Variants in SDK2 observed in about 807,000 individuals in gnomAD.
SDK2 encodes the protein protein sidekick-2.
SDK2 carries 105 observed loss-of-function variants against 253.9 expected under a neutral mutation model. The ratio of observed to expected loss-of-function variants is 0.41; its 90% CI spans 0.35 to 0.49. The LOEUF (loss-of-function observed/expected upper bound fraction) is 0.49. Among genes scored for constraint, SDK2 ranks in the 20% least tolerant of loss-of-function variants. SDK2 has a pLI of 0.06. For synonymous variants in SDK2, 1,249 were observed against 1,234.9 expected (o/e 1.01, Z -0.24); for missense variants, 2,608 against 3,003.0 (o/e 0.87, Z 3.07).
chr17:73,565,810 C>CTTTTTTTGGTTTGTTTGTTTGTTTG (rs2045303334), intron 1 of SDK2, among the ~76,000 whole-genome samples: 2 of 151,974 alleles, frequency 1.3e-5, no homozygotes, highest in Non-Finnish European at 2.9e-5. Flanking sequence ...GTTGTTTTTT[C>CTTTTTTTGGTTTGTTTGTTTGTTTG]TTTTTTTGGT....
chr17:73,337,053 A>ATGTGTGTGTGTGTGTGTGTGTGTGTG lies in SDK2; in HGVS notation c.*1508_*1533dup. On this transcript the variant is annotated 3_prime_UTR_variant, in exon 45 of 45. Transcript: ENST00000392650. ...TCCTTGGAGCAGATTGTGTATGTGT[A>ATGTGTGTGTGTGTGTGTGTGTGTGTG]TGTGTGTGTGTGTGTGTGTGTGTGT... 1 of 148,710 alleles carries ATGTGTGTGTGTGTGTGTGTGTGTGTG rather than the reference A, an allele frequency of 6.7e-6. No individual in the cohort carries two copies. The highest frequency in any genetic ancestry group is 1.5e-5 in the Non-Finnish European group (1 of 66,860). The allele number at this position is 148,710 out of a possible 1,614,324, so 9.2% of individuals were successfully genotyped here. A position where few individuals can be genotyped will look rare whatever the true frequency, so the allele number is the denominator to read the frequency against.
intron 36 of SDK2, among the ~76,000 whole-genome samples, chr17:73,372,144 A>T (rs2062738988): frequency 6.6e-6 from 1 of 152,190 alleles, no homozygotes; most frequent in Non-Finnish European, 1.5e-5. Context: ...CTGTCTTCAC[A>T]AACCAGGCAC....
intron 1 of SDK2, among the ~76,000 whole-genome samples, chr17:73,563,030 G>A (rs2045260556): frequency 6.6e-6 from 1 of 152,172 alleles, no homozygotes; most frequent in South Asian, 2.1e-4. Flanking sequence ...GGAGGGGAAG[G>A]ACAGCTCCGC....
In SDK2 at chr17:73,468,690, A is replaced by AT. The variant is rs151162336; in HGVS notation, c.331+3421dup. Among the ~76,000 whole-genome samples, 160 of 148,858 alleles carry AT rather than the reference A, an allele frequency of 1.1e-3. 1 individual carries two copies. The highest frequency in any genetic ancestry group is 7.5e-3 in the South Asian group (35 of 4,684). Reference sequence around the variant, plus strand: ...CCACGCCTGGCTAATTTTTTTTTTAATTTTTTTTTTATTTTTAGTAGAGAT... The same window carrying AT: ...CCACGCCTGGCTAATTTTTTTTTTAATTTTTTTTTTTATTTTTAGTAGAGAT... On this transcript the variant is annotated intron_variant, in intron 3 of 44. Coordinates refer to ENST00000392650, the MANE Select transcript of SDK2 (RefSeq NM_001144952.2).
intron 1 of SDK2, among the ~76,000 whole-genome samples, chr17:73,625,807 G>T (rs2046193439): frequency 6.6e-6 from 1 of 152,018 alleles, no homozygotes; most frequent in South Asian, 2.1e-4. Context: ...ACCACACCTG[G>T]CTAATTTTTG....
chr17:73,434,048 C>T (rs900668429), intron 9 of SDK2, among the ~76,000 whole-genome samples, 200 bp from the exon 10 acceptor site: 1 of 152,200 alleles, frequency 6.6e-6, no homozygotes, highest in African/African-American at 2.4e-5. Context: ...CATGAGGACT[C>T]CCCTATGCCA....
chr17:73,519,374 T>C (rs2064057376), intron 1 of SDK2: 1 of 152,226 alleles, frequency 6.6e-6, no homozygotes, highest in Admixed American at 6.5e-5. Context: ...GGTTTCCCAA[T>C]ATTGAATAAA....
At position 73,379,036 on chromosome 17, in the gene SDK2, A is replaced by T; in HGVS notation, c.4980+141T>A. 1 of 645,602 alleles carries T rather than the reference A, an allele frequency of 1.5e-6. No homozygotes were observed. Among genetic ancestry groups the T allele is most frequent in the Middle Eastern group, 2.5e-4 (1 of 3,952 alleles). The allele number at this position is 645,602 out of a possible 1,614,324, so 40.0% of individuals were successfully genotyped here. A position where few individuals can be genotyped will look rare whatever the true frequency, so the allele number is the denominator to read the frequency against. On this transcript the variant is annotated intron_variant, in intron 36 of 44. Coordinates refer to ENST00000392650, the MANE Select transcript of SDK2 (RefSeq NM_001144952.2). The surrounding 1 kb of genome is among the most constrained non-coding windows in gnomAD (Gnocchi z 4.5). ...AAACAGCCAAGGTGGCAGGTGTACC[A>T]CAGAGCCTGAAGGGCCGAGGAGCTG... is the stretch of plus-strand genomic sequence containing the variant.
chr17:73,358,076 C>T lies in SDK2; in HGVS notation c.5593+3G>A. 2 of 1,613,124 alleles carry T rather than the reference C, an allele frequency of 1.2e-6. No homozygotes were observed. Among genetic ancestry groups the T allele is most frequent in the Non-Finnish European group, 1.7e-6 (2 of 1,179,750 alleles). On this transcript the variant is annotated splice_donor_region_variant and intron_variant, in intron 40 of 44. Transcript: ENST00000392650. ...GGTCTCAGCCCAGCAGGGCGGGGCG[C>T]ACCTGAAGGTCTGGCCTCGATGACG...
At chr17:73,633,969 C>G (rs1362088837) in intron 1 of SDK2, among the ~76,000 whole-genome samples, 3 of 151,998 alleles carry the variant, frequency 2.0e-5, no homozygotes, top group Non-Finnish European at 4.4e-5. Flanking sequence ...CAGGTGGAGG[C>G]GAGATTGCAG....
chr17:73,548,197 G>A (rs1393927493), intron 1 of SDK2, among the ~76,000 whole-genome samples: 1 of 152,230 alleles, frequency 6.6e-6, no homozygotes, highest in Non-Finnish European at 1.5e-5. Context: ...AGGTTGAGAG[G>A]TTAAGTCACA....
At chr17:73,359,898 T>A (rs1204833740) in intron 39 of SDK2, among the ~76,000 whole-genome samples, 2 of 152,180 alleles carry the variant, frequency 1.3e-5, no homozygotes, top group Non-Finnish European at 2.9e-5. Context: ...CGCCTCCACC[T>A]CCCAAAATGT....
chr17:73,472,051 G>A, intron 3 of SDK2, 61 bp downstream of exon 3: 1 of 1,222,578 alleles, frequency 8.2e-7, no homozygotes, highest in Middle Eastern at 2.1e-4. Flanking sequence ...GGATGTGGCT[G>A]GTGGGTGCCA....
chr17:73,449,602 C>CT (rs33923010), intron 4 of SDK2, among the ~76,000 whole-genome samples: 1,292 of 94,316 alleles, frequency 0.014, 23 homozygotes, highest in South Asian at 0.019. Flanking sequence ...CCCCCCACCT[C>CT]TTTTTTTTTT....
intron 1 of SDK2, among the ~76,000 whole-genome samples, chr17:73,638,774 A>T (rs1300617706): frequency 6.6e-6 from 1 of 150,924 alleles, no homozygotes; most frequent in East Asian, 1.9e-4. Context: ...TCATTTGATT[A>T]TCCAAGACAA....
At chr17:73,349,807 C>T (rs1353262816) in intron 43 of SDK2, among the ~76,000 whole-genome samples, 3 of 152,248 alleles carry the variant, frequency 2.0e-5, no homozygotes, top group East Asian at 1.9e-4. Flanking sequence ...AGGCGTCCTT[C>T]GCTAAGGTGT....
rs185346697 is a variant in SDK2, at chr17:73,410,438, T to G, written c.2484+4206A>C. Among the ~76,000 whole-genome samples the G allele has an allele frequency of 3.1e-3, 473 of 152,242 alleles. 4 individuals are homozygous for G. The highest frequency in any genetic ancestry group is 0.011 in the African/African-American group (445 of 41,548). On this transcript the variant is annotated intron_variant, in intron 18 of 44. Transcript: ENST00000392650. ...AAGCGATTCTCCTGCCTCGGCCTCC[T>G]ATGTCTGTAGCTGGGATTAGAGATG...
intron 15 of SDK2, among the ~76,000 whole-genome samples, chr17:73,421,780 C>T (rs530605719): frequency 6.6e-5 from 10 of 151,826 alleles, no homozygotes; most frequent in Non-Finnish European, 1.0e-4. Context: ...AGGCTGGTTT[C>T]GAACTCCTGA....
chr17:73,643,576 C>T lies in SDK2; in HGVS notation c.64+449G>A, dbSNP rs535065109. ...GCGCTCGCCCACCCCACTCCCTCGCCCCGGGGAGGCCATCGCCTGCCCGGC... is the reference window on the plus strand; with the variant it reads ...GCGCTCGCCCACCCCACTCCCTCGCTCCGGGGAGGCCATCGCCTGCCCGGC... On this transcript the variant is annotated intron_variant, in intron 1 of 44. Transcript: ENST00000392650. This position sits in a 1 kb window ranked among gnomAD's most constrained non-coding sequence, Gnocchi z 6.9. Among the ~76,000 whole-genome samples the T allele has an allele frequency of 5.3e-5, 8 of 152,254 alleles. No individual in the cohort carries two copies. Among genetic ancestry groups the T allele is most frequent in the Non-Finnish European group, 8.8e-5 (6 of 67,996 alleles).
Sources: allele counts gnomAD v4.1 joint callset (sites outside exome capture counted in the v4.1 genomes callset), GRCh38; gene constraint gnomAD v4.1.1; non-coding constraint Gnocchi (gnomAD v3.1); transcripts MANE v1.5; gene names NCBI Gene and HGNC (gene_info 2026-07-23, HGNC 2026-07-21).